The following HLF variants were observed in gnomAD, a reference collection of about 807,000 sequenced individuals.
HLF encodes HLF transcription factor, PAR bZIP family member.
HLF carries 3 observed loss-of-function variants against 22.6 expected under a neutral mutation model. That is an observed-to-expected ratio of 0.13 (90% CI 0.06 to 0.34). The LOEUF (loss-of-function observed/expected upper bound fraction) is 0.34, where lower values mean the gene tolerates loss of function less well. HLF is among the 10% of genes least tolerant of loss of function. The pLI is 1.00. For missense variants in HLF, 299 were observed against 389.2 expected (o/e 0.77, Z 1.95); for synonymous variants, 151 against 151.8 (o/e 0.99, Z 0.04).
chr17:55,302,670 T>C (rs1156407766), intron 2 of HLF, among the ~76,000 whole-genome samples: 1 of 152,172 alleles, frequency 6.6e-6, no homozygotes, highest in Non-Finnish European at 1.5e-5. Flanking sequence ...CAAAGGAGAA[T>C]AGTCAGTTTA....
At chr17:55,273,689 C>T (rs1020084508) in intron 2 of HLF, 1 of 152,222 alleles carries the variant, frequency 6.6e-6, no homozygotes, top group Non-Finnish European at 1.5e-5. Context: ...CCTGCATGAC[C>T]GTGTGCTCCA....
At chr17:55,283,126 G>T (rs374586468) in intron 2 of HLF, among the ~76,000 whole-genome samples, 4 of 144,898 alleles carry the variant, frequency 2.8e-5, no homozygotes, top group South Asian at 4.5e-4. Flanking sequence ...ATAAAGAAAA[G>T]AAAAAAAAAA....
rs1260205180 is a variant in HLF, at chr17:55,320,052, G to GTATCATA, written c.673-611_673-605dup. ...CTGCCAAGTATCCCTTTGTATGACT[G>GTATCATA]TATCATAACGTGGTTGTTAAATCTC... On this transcript the variant is annotated intron_variant, in intron 3 of 3. Coordinates refer to ENST00000226067, the MANE Select transcript of HLF (RefSeq NM_002126.5). This position sits in a 1 kb window ranked among gnomAD's most constrained non-coding sequence, Gnocchi z 4.2. Among the ~76,000 whole-genome samples, 1 of 152,132 alleles carries GTATCATA rather than the reference G, an allele frequency of 6.6e-6. No homozygotes were observed. The highest frequency in any genetic ancestry group is 1.5e-5 in the Non-Finnish European group (1 of 68,026).
intron 2 of HLF, among the ~76,000 whole-genome samples, chr17:55,299,765 G>A (rs1352656452): frequency 6.6e-6 from 1 of 151,996 alleles, no homozygotes; most frequent in Non-Finnish European, 1.5e-5. Context: ...ATTTTTTAGA[G>A]ATGAGTTCTT....
chr17:55,310,983 T>A (rs903406395), intron 2 of HLF, among the ~76,000 whole-genome samples: 8 of 152,092 alleles, frequency 5.3e-5, no homozygotes, highest in South Asian at 4.2e-4. Flanking sequence ...CCACAAAAAA[T>A]AAAAATGGAG....
chr17:55,293,462 G>A (rs1409000508), intron 2 of HLF, among the ~76,000 whole-genome samples: 1 of 152,158 alleles, frequency 6.6e-6, no homozygotes, highest in Non-Finnish European at 1.5e-5. Context: ...TGACTACAGA[G>A]CTCCTATCAA....
chr17:55,266,275 G>A (rs1222601297), intron 1 of HLF: 1 of 152,262 alleles, frequency 6.6e-6, no homozygotes. Flanking sequence ...AGGCTCACGT[G>A]TAACCGCGCA....
chr17:55,313,359 C>CGTGTGTGT lies in HLF; in HGVS notation c.452-1845_452-1838dup, dbSNP rs58593405. ...GGTATGGTAGAGGAGGAGGTGTGTG[C>CGTGTGTGT]GTGTGTGTGTGTGTGTGTGTGTGTG... On this transcript the variant is annotated intron_variant, in intron 2 of 3. Coordinates refer to ENST00000226067, the MANE Select transcript of HLF (RefSeq NM_002126.5). Among the ~76,000 whole-genome samples the CGTGTGTGT allele has an allele frequency of 7.5e-3, 1,109 of 147,230 alleles. 13 individuals carry two copies. Among genetic ancestry groups the CGTGTGTGT allele is most frequent in the South Asian group, 0.021 (97 of 4,538 alleles).
At chr17:55,290,795 C>T (rs1179548311) in intron 2 of HLF, among the ~76,000 whole-genome samples, 1 of 152,182 alleles carries the variant, frequency 6.6e-6, no homozygotes, top group Non-Finnish European at 1.5e-5. Flanking sequence ...AAAAGCTAGG[C>T]TTCTTGAGCC....
Position 55,267,786 on chromosome 17 carries a change from G to A in HLF, c.151G>A (p.Asp51Asn), listed in dbSNP as rs1212320312. The A allele has an allele frequency of 6.9e-6, 11 of 1,598,116 alleles. No homozygotes were observed. In the East Asian group the frequency reaches 2.5e-4, roughly 36 times the overall value. Residue 51 changes from aspartate (D) to asparagine (N), a missense_variant, in exon 2 of 4, where the codon GAT (aspartate) becomes AAT (asparagine). Physicochemically the swap from Asp to Asn is conservative, Grantham distance 23 (BLOSUM62 1). Transcript: ENST00000226067. ...SKDKDKEKKLDDESNSPTVPQ... is the reference protein window; with the variant it reads ...SKDKDKEKKLNDESNSPTVPQ... ...AGATAAAGACAAGGAAAAGAAGCTG[G>A]ATGATGAGAGTAACAGCCCGACGGT...
chr17:55,313,895 C>A (rs559140243), intron 2 of HLF, among the ~76,000 whole-genome samples: 7 of 152,200 alleles, frequency 4.6e-5, no homozygotes, highest in Non-Finnish European at 1.0e-4. Context: ...GCAAACTCCC[C>A]ACCAGGCCTT....
chr17:55,294,432 G>A (rs1022507468), intron 2 of HLF, among the ~76,000 whole-genome samples: 1 of 152,234 alleles, frequency 6.6e-6, no homozygotes, highest in Non-Finnish European at 1.5e-5. Flanking sequence ...TCACCTCCAT[G>A]TGCTTTTCAG....
chr17:55,273,187 C>T (rs924840978), intron 2 of HLF: 4 of 152,134 alleles, frequency 2.6e-5, no homozygotes, highest in Non-Finnish European at 5.9e-5. Context: ...CCTGGCTTGC[C>T]GTGTAACTTT....
intron 2 of HLF, among the ~76,000 whole-genome samples, chr17:55,314,715 G>A (rs957244301): frequency 2.0e-5 from 3 of 152,106 alleles, no homozygotes; most frequent in Non-Finnish European, 4.4e-5. Flanking sequence ...CTCAAGATGC[G>A]GCTGTACCAA....
At chr17:55,311,047 T>C (rs942375529) in intron 2 of HLF, among the ~76,000 whole-genome samples, 2 of 151,528 alleles carry the variant, frequency 1.3e-5, no homozygotes, top group African/African-American at 2.4e-5. Flanking sequence ...CAAATTTACC[T>C]GTGAAATTGT....
chr17:55,277,241 A>ATGTGTG (rs60023059), intron 2 of HLF, among the ~76,000 whole-genome samples: 2 of 101,752 alleles, frequency 2.0e-5, no homozygotes, highest in Non-Finnish European at 4.5e-5. Flanking sequence ...TGTTATGTGT[A>ATGTGTG]TGTGTGTGTG....
At chr17:55,269,358 ATG>A (rs1477501383) in intron 2 of HLF, among the ~76,000 whole-genome samples, 1 of 152,130 alleles carries the variant, frequency 6.6e-6, no homozygotes, top group Non-Finnish European at 1.5e-5. Flanking sequence ...TTGGGAAAAC[ATG>A]CCTTTATGTG....
chr17:55,274,214 T>C (rs560568193), intron 2 of HLF, among the ~76,000 whole-genome samples: 1 of 152,338 alleles, frequency 6.6e-6, no homozygotes, highest in Admixed American at 6.5e-5. Flanking sequence ...GAAACCTCTC[T>C]TCCAATTAGC....
chr17:55,278,231 G>C (rs1270480450), intron 2 of HLF, among the ~76,000 whole-genome samples: 2 of 152,236 alleles, frequency 1.3e-5, no homozygotes, highest in Non-Finnish European at 2.9e-5. Context: ...GCTACAGAAA[G>C]ATGCTTCAGG....
Sources: gnomAD v4.1 joint callset for allele counts (sites outside exome capture counted in the v4.1 genomes callset) on GRCh38, gnomAD v4.1.1 for gene constraint, Gnocchi (gnomAD v3.1) non-coding constraint, MANE v1.5 for transcripts, NCBI Gene and HGNC (gene_info 2026-07-23, HGNC 2026-07-21) for gene names.